Variants in KIAA1217 observed in about 807,000 individuals in gnomAD.
The protein encoded by KIAA1217 is sickle tail protein homolog.
Under a neutral mutation model 163.9 loss-of-function variants are expected in KIAA1217, and 88 were observed. The ratio of observed to expected loss-of-function variants is 0.54; its 90% CI spans 0.45 to 0.64. The LOEUF (loss-of-function observed/expected upper bound fraction) is 0.64. Among genes scored for constraint, KIAA1217 ranks in the 30% least tolerant of loss-of-function variants. The pLI is 0.00. For synonymous variants in KIAA1217, 903 were observed against 923.1 expected (o/e 0.98, Z 0.39); for missense variants, 2,372 against 2,475.0 (o/e 0.96, Z 0.88).
chr10:24,207,780 C>A (rs1254279005), upstream of KIAA1217, among the ~76,000 whole-genome samples: 3 of 152,194 alleles, frequency 2.0e-5, no homozygotes, highest in Non-Finnish European at 2.9e-5. Flanking sequence ...TTTTGGCCTA[C>A]ATCCTTTGTC....
chr10:24,475,937 A>G (rs2063980761), intron 6 of KIAA1217, among the ~76,000 whole-genome samples: 1 of 152,184 alleles, frequency 6.6e-6, no homozygotes, highest in South Asian at 2.1e-4. Flanking sequence ...AATTTAGACC[A>G]GAAAACAATA....
intron 2 of KIAA1217, among the ~76,000 whole-genome samples, chr10:24,077,894 G>A (rs1181852138): frequency 6.6e-6 from 1 of 152,220 alleles, no homozygotes; most frequent in African/African-American, 2.4e-5. Context: ...TGACTGGTGT[G>A]AGATGGTATC....
intron 1 of KIAA1217, among the ~76,000 whole-genome samples, chr10:23,795,739 A>G (rs1836169312): frequency 6.6e-6 from 1 of 152,074 alleles, no homozygotes; most frequent in Non-Finnish European, 1.5e-5. Flanking sequence ...CAAAACAAAG[A>G]GTGGTAGTCA....
At chr10:24,362,177 G>T (rs1427641552) in intron 2 of KIAA1217, among the ~76,000 whole-genome samples, 1 of 152,064 alleles carries the variant, frequency 6.6e-6, no homozygotes, top group African/African-American at 2.4e-5. Context: ...TGTTTCACAT[G>T]CCTGGATCTC....
At chr10:24,122,659 A>G (rs1175187163) in intron 2 of KIAA1217, among the ~76,000 whole-genome samples, 1 of 152,166 alleles carries the variant, frequency 6.6e-6, no homozygotes, top group Non-Finnish European at 1.5e-5. Context: ...CTCTTTATGA[A>G]TAAGAAAACC....
chr10:23,745,229 T>A (rs1379661447), intron 1 of KIAA1217, among the ~76,000 whole-genome samples: 1 of 152,194 alleles, frequency 6.6e-6, no homozygotes, highest in Non-Finnish European at 1.5e-5. Flanking sequence ...CCAGTGCCTA[T>A]AATATAACTT....
intron 7 of KIAA1217, among the ~76,000 whole-genome samples, 188 bp downstream of exon 7, chr10:24,494,792 C>A (rs534831103): frequency 6.6e-6 from 1 of 151,970 alleles, no homozygotes; most frequent in East Asian, 1.9e-4. Flanking sequence ...TTTCCTCCTT[C>A]TGGTAATTCT....
At chr10:23,849,787 A>G (rs1839216526) in intron 1 of KIAA1217, among the ~76,000 whole-genome samples, 1 of 152,070 alleles carries the variant, frequency 6.6e-6, no homozygotes, top group Admixed American at 6.6e-5. Flanking sequence ...AACTGGTCAA[A>G]AGACTTTCTG....
chr10:23,792,324 C>CTT, intron 1 of KIAA1217, among the ~76,000 whole-genome samples: 1 of 152,216 alleles, frequency 6.6e-6, no homozygotes, highest in Middle Eastern at 3.4e-3. Context: ...ACAGTGAATC[C>CTT]TTTTGCAAAG....
chr10:23,884,621 T>C (rs558158487), intron 1 of KIAA1217, among the ~76,000 whole-genome samples: 6 of 151,972 alleles, frequency 3.9e-5, no homozygotes, highest in Non-Finnish European at 7.4e-5. Context: ...TTTTCCAAGG[T>C]AGGGAGGCCT....
chr10:24,241,707 A>C (rs1320260777), intron 2 of KIAA1217, among the ~76,000 whole-genome samples: 2 of 152,230 alleles, frequency 1.3e-5, no homozygotes, highest in African/African-American at 4.8e-5. Flanking sequence ...ACAGAAACAC[A>C]GCCCATAATT....
At chr10:23,714,972 C>G (rs1446968484) in intron 1 of KIAA1217, among the ~76,000 whole-genome samples, 2 of 152,152 alleles carry the variant, frequency 1.3e-5, no homozygotes. Context: ...CATGGAAAGA[C>G]AAGAACGCTA....
chr10:24,031,479 T>G (rs1410093102), intron 2 of KIAA1217, among the ~76,000 whole-genome samples: 1 of 152,112 alleles, frequency 6.6e-6, no homozygotes, highest in African/African-American at 2.4e-5. Context: ...TTTATATTTT[T>G]CATAGAGACA....
At chr10:23,827,591 G>A (rs763781828) in intron 1 of KIAA1217, among the ~76,000 whole-genome samples, 10 of 152,180 alleles carry the variant, frequency 6.6e-5, no homozygotes, top group Non-Finnish European at 1.0e-4. Flanking sequence ...CAGTAAGGAC[G>A]ATTGTGTCTC....
Position 24,201,736 on chromosome 10 carries a change from G to A in KIAA1217, c.-170-17890G>A, listed in dbSNP as rs528738689. ...CCTTCAATTCTGTGGACTGAGGTGG[G>A]GAGAGAAAAATAAAATCACTGTAAA... On this transcript the variant is annotated intron_variant, in intron 2 of 18. Coordinates refer to the KIAA1217 transcript ENST00000376462. Among the ~76,000 whole-genome samples the A allele has an allele frequency of 1.4e-4, 22 of 152,230 alleles. No homozygotes were observed. The South Asian group carries it at 4.6e-3, about 32-fold the overall frequency.
At chr10:24,149,624 A>G (rs1260709513) in intron 2 of KIAA1217, among the ~76,000 whole-genome samples, 1 of 152,182 alleles carries the variant, frequency 6.6e-6, no homozygotes, top group African/African-American at 2.4e-5. Flanking sequence ...AAAATGGGAG[A>G]AGGATGAAGG....
chr10:24,459,648 C>G (rs570703561), intron 5 of KIAA1217, among the ~76,000 whole-genome samples: 1 of 151,864 alleles, frequency 6.6e-6, no homozygotes, highest in African/African-American at 2.4e-5. Flanking sequence ...GTTGACCAGG[C>G]GTGATGGTTG....
At chr10:24,359,050 TTTC>T (rs1251239575) in intron 2 of KIAA1217, among the ~76,000 whole-genome samples, 2 of 103,952 alleles carry the variant, frequency 1.9e-5, no homozygotes, top group Non-Finnish European at 2.5e-5. Flanking sequence ...ACTTTCTTTC[TTTC>T]TTTTTTCTTT....
chr10:24,188,068 G>T (rs1285847022), intron 2 of KIAA1217, among the ~76,000 whole-genome samples: 2 of 146,222 alleles, frequency 1.4e-5, no homozygotes, highest in Non-Finnish European at 3.0e-5. Context: ...CATGGTGGCA[G>T]CGCCTGTAAT....
Sources: gnomAD v4.1 joint callset for allele counts (sites outside exome capture counted in the v4.1 genomes callset) on GRCh38, gnomAD v4.1.1 for gene constraint, MANE v1.5 for transcripts, NCBI Gene and HGNC (gene_info 2026-07-23, HGNC 2026-07-21) for gene names.